UBE3D: variants seen among roughly 807,000 people sequenced by gnomAD.
The protein encoded by UBE3D is E3 ubiquitin-protein ligase E3D.
A neutral mutation model predicts 49.6 loss-of-function variants in UBE3D; 48 were observed. The observed-to-expected ratio is 0.97, with a 90% confidence interval of 0.77 to 1.23. The LOEUF (loss-of-function observed/expected upper bound fraction) is 1.23, where lower values mean the gene tolerates loss of function less well. Among genes scored for constraint, UBE3D ranks in the 50% most tolerant of loss-of-function variants. The pLI, the probability that UBE3D is intolerant of heterozygous loss-of-function variation, is 0.00. For synonymous variants in UBE3D, 189 were observed against 174.2 expected (o/e 1.08, Z -0.67); for missense variants, 452 against 468.4 (o/e 0.96, Z 0.32).
chr6:83,044,001 T>C (rs1254796749), intron 4 of UBE3D, among the ~76,000 whole-genome samples: 1 of 152,176 alleles, frequency 6.6e-6, no homozygotes, highest in African/African-American at 2.4e-5. Context: ...ATTTATGACT[T>C]CAGCAGAAGT....
At chr6:83,011,768 C>A (rs1052242283) in intron 8 of UBE3D, among the ~76,000 whole-genome samples, 1 of 152,036 alleles carries the variant, frequency 6.6e-6, no homozygotes, top group Admixed American at 6.5e-5. Context: ...GAACTAAGAC[C>A]TCTAGTCCAG....
intron 8 of UBE3D, among the ~76,000 whole-genome samples, chr6:82,970,605 C>T (rs570603619): frequency 2.8e-4 from 42 of 152,126 alleles, no homozygotes; most frequent in Non-Finnish European, 5.0e-4. Flanking sequence ...TTTGGGAGGT[C>T]GAGGCGGGCA....
chr6:82,994,117 T>G (rs1452130438), intron 8 of UBE3D, among the ~76,000 whole-genome samples: 4 of 152,228 alleles, frequency 2.6e-5, no homozygotes, highest in Non-Finnish European at 5.9e-5. Context: ...CATGTGTTTA[T>G]TTTTATTTAA....
intron 9 of UBE3D, among the ~76,000 whole-genome samples, chr6:82,912,887 T>C (rs1772630869): frequency 6.6e-6 from 1 of 152,194 alleles, no homozygotes; most frequent in South Asian, 2.1e-4. Flanking sequence ...TCAGTGGTTA[T>C]TCTCTACTCT....
At position 83,065,646 on chromosome 6, in the gene UBE3D, G is replaced by A. The variant is rs747778318; in HGVS notation, c.73C>T (p.Leu25=). Residue 25 remains leucine (L), a synonymous_variant, in exon 1 of 10, where the codon CTG becomes TTG. Coordinates refer to ENST00000369747, the MANE Select transcript of UBE3D (RefSeq NM_198920.3). The part of the protein sequence containing the change: ...RGQLQSALLI[L]GEPKEGGMPM... ...GCCTAGAATCCCAGTTCTTACCCCA[G>A]GATCAGAAGCGCGCTCTGCAGCTGT... 2 of 1,613,962 alleles carry A rather than the reference G, an allele frequency of 1.2e-6. No homozygotes were observed. Among genetic ancestry groups the A allele is most frequent in the Non-Finnish European group, 1.7e-6 (2 of 1,179,920 alleles).
At chr6:83,054,106 TTGC>T (rs1562232871) in intron 3 of UBE3D, 39 bp downstream of exon 3, 1 of 1,510,408 alleles carries the variant, frequency 6.6e-7, no homozygotes, top group South Asian at 1.1e-5. Flanking sequence ...GAGATAACCA[TTGC>T]CAGGCACAGA....
At chr6:82,990,737 C>T (rs186015525) in intron 8 of UBE3D, among the ~76,000 whole-genome samples, 7 of 152,286 alleles carry the variant, frequency 4.6e-5, no homozygotes, top group East Asian at 3.9e-4. Context: ...CCTTTTCTCT[C>T]GCAACATATG....
chr6:82,946,747 A>G (rs190324403), intron 9 of UBE3D, among the ~76,000 whole-genome samples: 2 of 152,232 alleles, frequency 1.3e-5, no homozygotes, highest in East Asian at 3.9e-4. Flanking sequence ...AAAAATTAAA[A>G]AGTTAATTAA....
intron 5 of UBE3D, among the ~76,000 whole-genome samples, chr6:83,030,459 T>C (rs1046482799): frequency 4.6e-5 from 7 of 152,202 alleles, no homozygotes; most frequent in African/African-American, 1.7e-4. Flanking sequence ...CTGCCTTTCC[T>C]CCTCCTTCAC....
chr6:83,044,939 A>G (rs910618909), intron 3 of UBE3D, among the ~76,000 whole-genome samples: 3 of 152,230 alleles, frequency 2.0e-5, no homozygotes, highest in South Asian at 2.1e-4. Flanking sequence ...ATATCTGTAC[A>G]TATCACACGA....
At chr6:82,962,594 T>G (rs1446725764) in intron 8 of UBE3D, among the ~76,000 whole-genome samples, 1 of 152,246 alleles carries the variant, frequency 6.6e-6, no homozygotes, top group African/African-American at 2.4e-5. Context: ...TTGCATGGTA[T>G]GTAAATCCAA....
chr6:82,901,655 A>G (rs989528754), intron 9 of UBE3D, among the ~76,000 whole-genome samples: 6 of 152,186 alleles, frequency 3.9e-5, no homozygotes, highest in African/African-American at 1.4e-4. Context: ...CAGGTCTTCT[A>G]ACTCCTACTC....
intron 8 of UBE3D, among the ~76,000 whole-genome samples, chr6:83,006,706 A>G (rs1780004329): frequency 6.6e-6 from 1 of 152,176 alleles, no homozygotes; most frequent in Non-Finnish European, 1.5e-5. Flanking sequence ...GTCAACTATA[A>G]TATAGTCAAA....
At chr6:82,999,822 A>G (rs960032179) in intron 8 of UBE3D, among the ~76,000 whole-genome samples, 2 of 152,088 alleles carry the variant, frequency 1.3e-5, no homozygotes, top group African/African-American at 4.8e-5. Context: ...ACTGTTTGTC[A>G]TATCACCTCT....
At chr6:83,054,718 C>A (rs1445130379) in intron 2 of UBE3D, among the ~76,000 whole-genome samples, 2 of 152,066 alleles carry the variant, frequency 1.3e-5, no homozygotes, top group Non-Finnish European at 2.9e-5. Context: ...GTGGCGCAAC[C>A]TGGGCTCACT....
chr6:83,060,887 T>C (rs924775300), intron 1 of UBE3D, among the ~76,000 whole-genome samples: 1 of 152,186 alleles, frequency 6.6e-6, no homozygotes, highest in Admixed American at 6.5e-5. Context: ...GTAAGAATCA[T>C]GTATCCTTAC....
intron 5 of UBE3D, among the ~76,000 whole-genome samples, chr6:83,026,689 T>C (rs1781485131): frequency 6.6e-6 from 1 of 152,108 alleles, no homozygotes; most frequent in South Asian, 2.1e-4. Context: ...GAAATGCCTA[T>C]GTATTTATTT....
chr6:82,932,603 C>G (rs1774245464), intron 9 of UBE3D: 1 of 152,154 alleles, frequency 6.6e-6, no homozygotes, highest in African/African-American at 2.4e-5. Context: ...GTTTTGCCCT[C>G]CATGAAGCCT....
At chr6:83,063,907 T>C (rs775643954) in intron 1 of UBE3D, among the ~76,000 whole-genome samples, 1 of 152,114 alleles carries the variant, frequency 6.6e-6, no homozygotes, top group Non-Finnish European at 1.5e-5. Flanking sequence ...GAAATGAAAA[T>C]GTATGTCCAA....
Sources: gnomAD v4.1 joint callset for allele counts (sites outside exome capture counted in the v4.1 genomes callset) on GRCh38, gnomAD v4.1.1 for gene constraint, MANE v1.5 for transcripts, NCBI Gene and HGNC (gene_info 2026-07-23, HGNC 2026-07-21) for gene names.